RAD51B: variants seen among roughly 807,000 people sequenced by gnomAD.
The protein encoded by RAD51B is RAD51 paralog B, also known as DNA repair protein RAD51 homolog 2.
A neutral mutation model predicts 42.2 loss-of-function variants in RAD51B; 38 were observed. The ratio of observed to expected loss-of-function variants is 0.90; its 90% CI spans 0.70 to 1.18. The LOEUF (loss-of-function observed/expected upper bound fraction) is 1.18, where lower values mean the gene tolerates loss of function less well. Among genes scored for constraint, RAD51B ranks in the 50% most tolerant of loss-of-function variants. The pLI, the probability that RAD51B is intolerant of heterozygous loss-of-function variation, is 0.00. For synonymous variants in RAD51B, 154 were observed against 145.2 expected (o/e 1.06, Z -0.43); for missense variants, 373 against 400.7 (o/e 0.93, Z 0.59).
chr14:68,334,422 C>A (rs1329194278), intron 8 of RAD51B, among the ~76,000 whole-genome samples: 1 of 152,102 alleles, frequency 6.6e-6, no homozygotes, highest in Non-Finnish European at 1.5e-5. Flanking sequence ...ATTCTTCACC[C>A]ATATCGTCTA....
intron 9 of RAD51B, among the ~76,000 whole-genome samples, chr14:68,447,819 G>A (rs1414069427): frequency 1.3e-5 from 2 of 151,956 alleles, no homozygotes; most frequent in Non-Finnish European, 2.9e-5. Context: ...TTCTGGGTTA[G>A]TTTCCCTTAA....
chr14:68,180,636 C>A (rs983523956), intron 7 of RAD51B, among the ~76,000 whole-genome samples: 1 of 152,192 alleles, frequency 6.6e-6, no homozygotes, highest in East Asian at 1.9e-4. Context: ...TTGCCAAGGT[C>A]TCACAGGTAG....
chr14:67,879,971 AT>A (rs528092440), intron 5 of RAD51B, among the ~76,000 whole-genome samples: 183 of 152,326 alleles, frequency 1.2e-3, no homozygotes, highest in African/African-American at 4.3e-3. Context: ...ATTAAAATCT[AT>A]TCATCTGTCT....
intron 10 of RAD51B, among the ~76,000 whole-genome samples, chr14:68,581,362 G>A (rs1890200255): frequency 6.6e-6 from 1 of 152,188 alleles, no homozygotes; most frequent in African/African-American, 2.4e-5. Context: ...CTGGGCTGTG[G>A]AAGCGTTCTG....
At chr14:67,842,649 C>T (rs539808691) in intron 4 of RAD51B, among the ~76,000 whole-genome samples, 1 of 152,318 alleles carries the variant, frequency 6.6e-6, no homozygotes, top group South Asian at 2.1e-4. Context: ...GGATTACAGG[C>T]ATGTGCCACC....
intron 9 of RAD51B, among the ~76,000 whole-genome samples, chr14:68,417,425 C>A (rs188353603): frequency 1.3e-5 from 2 of 152,320 alleles, no homozygotes; most frequent in East Asian, 3.9e-4. Context: ...TGTCTCCTCC[C>A]TTTCCAGAGC....
intron 10 of RAD51B, among the ~76,000 whole-genome samples, chr14:68,587,201 G>T (rs1220628895): frequency 5.9e-5 from 9 of 152,114 alleles, no homozygotes; most frequent in Non-Finnish European, 1.2e-4. Context: ...AGTGGTCAGG[G>T]CACTGCAGAG....
intron 8 of RAD51B, among the ~76,000 whole-genome samples, chr14:68,299,878 C>T (rs1357115835): frequency 6.6e-6 from 1 of 152,176 alleles, no homozygotes; most frequent in Non-Finnish European, 1.5e-5. Flanking sequence ...TCATCTCTGT[C>T]TTGCCTTTCC....
intron 10 of RAD51B, among the ~76,000 whole-genome samples, chr14:68,593,651 G>T (rs1212505207): frequency 2.0e-5 from 3 of 152,214 alleles, no homozygotes; most frequent in Non-Finnish European, 4.4e-5. Flanking sequence ...TGGGCTGGCT[G>T]AAAGTGGGGA....
At chr14:68,537,636 T>C (rs568218095) in intron 10 of RAD51B, among the ~76,000 whole-genome samples, 1 of 152,366 alleles carries the variant, frequency 6.6e-6, no homozygotes, top group South Asian at 2.1e-4. Context: ...GGAAAAACCC[T>C]TAATGAAAAG....
intron 8 of RAD51B, among the ~76,000 whole-genome samples, chr14:68,360,187 T>A (rs1594723958): frequency 6.6e-6 from 1 of 152,108 alleles, no homozygotes; most frequent in African/African-American, 2.4e-5. Context: ...CACTCCCTCT[T>A]CCCCAGATGT....
intron 7 of RAD51B, among the ~76,000 whole-genome samples, chr14:68,016,301 G>A (rs1945430521): frequency 6.6e-6 from 1 of 151,998 alleles, no homozygotes; most frequent in Non-Finnish European, 1.5e-5. Context: ...GGGGTAAAAA[G>A]CCCCCAGTTT....
chr14:68,294,340 A>G (rs572222499), intron 8 of RAD51B, among the ~76,000 whole-genome samples: 1 of 152,318 alleles, frequency 6.6e-6, no homozygotes, highest in African/African-American at 2.4e-5. Flanking sequence ...GGCTATATAA[A>G]TATATTCCTA....
chr14:67,904,514 T>C (rs2140099414), intron 7 of RAD51B, among the ~76,000 whole-genome samples: 1 of 145,572 alleles, frequency 6.9e-6, no homozygotes, highest in African/African-American at 2.7e-5. Flanking sequence ...TGTTGACTTT[T>C]TTTTTTTTTT....
At chr14:68,549,439 G>T in intron 10 of RAD51B, among the ~76,000 whole-genome samples, 1 of 46,802 alleles carries the variant, frequency 2.1e-5, no homozygotes, top group African/African-American at 5.1e-5. Flanking sequence ...TTTTTGAGAC[G>T]GAGTTTCGCT....
At chr14:68,117,956 T>A (rs1004131413) in intron 7 of RAD51B, among the ~76,000 whole-genome samples, 1 of 152,220 alleles carries the variant, frequency 6.6e-6, no homozygotes, top group Non-Finnish European at 1.5e-5. Context: ...AAAGTCGCAC[T>A]ACATTTTTTA....
intron 11 of RAD51B, among the ~76,000 whole-genome samples, chr14:68,658,407 C>T (rs1002488339): frequency 6.6e-6 from 1 of 152,224 alleles, no homozygotes; most frequent in Non-Finnish European, 1.5e-5. Context: ...GCCACTGGCC[C>T]GTGCCCCCTG....
chr14:68,226,701 A>T (rs891870689), intron 7 of RAD51B, among the ~76,000 whole-genome samples: 7 of 152,178 alleles, frequency 4.6e-5, no homozygotes, highest in African/African-American at 1.4e-4. Context: ...TTATTAGCGC[A>T]TGAGAACATA....
At position 68,642,307 on chromosome 14, in the gene RAD51B, C is replaced by G. The variant is rs546373866; in HGVS notation, c.1037-8474C>G. ...ATAGATATAGACCTATTCAGATTGT[C>G]TATTTCTTCTTGTATGAGTTTCGCC... On this transcript the variant is annotated intron_variant, in intron 10 of 11. Coordinates refer to the RAD51B transcript ENST00000488612. Among the ~76,000 whole-genome samples the G allele has an allele frequency of 2.6e-5, 4 of 152,236 alleles. 1 individual carries two copies. The South Asian group carries it at 8.3e-4, about 32-fold the overall frequency.
Sources: allele counts gnomAD v4.1 joint callset (sites outside exome capture counted in the v4.1 genomes callset), GRCh38; gene constraint gnomAD v4.1.1; transcripts MANE v1.5; gene names NCBI Gene and HGNC (gene_info 2026-07-23, HGNC 2026-07-21).